The following PHF24 variants were observed in gnomAD, a reference collection of about 807,000 sequenced individuals.
The protein encoded by PHF24 is Galpha inhibitory interacting protein.
Under a neutral mutation model 42.6 loss-of-function variants are expected in PHF24, and 25 were observed. The ratio of observed to expected loss-of-function variants is 0.59; its 90% CI spans 0.43 to 0.82. The LOEUF is 0.82. Ranked by LOEUF, PHF24 falls within the 40% of genes least tolerant of loss-of-function variation. The probability of loss-of-function intolerance (pLI) is 0.00; values close to 1 mark genes in which losing one functional copy is unlikely to be tolerated. For missense variants in PHF24, 470 were observed against 538.1 expected, an observed-to-expected ratio of 0.87 and a Z score of 1.25; for synonymous variants, 185 against 204.8, an observed-to-expected ratio of 0.90 and a Z score of 0.83.
chr9:34,845,692 G>A, the PHF24 span, among the ~76,000 whole-genome samples: 2 of 151,654 alleles, frequency 1.3e-5, no homozygotes, highest in East Asian at 1.9e-4. Context: ...CTGGTGTGCT[G>A]CACCCATTAA....
the PHF24 span, among the ~76,000 whole-genome samples, chr9:34,842,871 C>A: frequency 6.6e-5 from 10 of 152,268 alleles, no homozygotes; most frequent in African/African-American, 2.4e-4. Flanking sequence ...TTTCCTGTAT[C>A]TTTGTCAACC....
chr9:34,950,306 C>A, the PHF24 span, among the ~76,000 whole-genome samples: 7 of 149,048 alleles, frequency 4.7e-5, no homozygotes, highest in Non-Finnish European at 1.0e-4. Flanking sequence ...AGAGATTGTG[C>A]CACTGCACTC....
the PHF24 span, among the ~76,000 whole-genome samples, chr9:34,767,538 G>A: frequency 1.3e-5 from 2 of 152,242 alleles, no homozygotes; most frequent in African/African-American, 2.4e-5. Context: ...CTGGTGTGCC[G>A]TTTTTTAAGC....
the PHF24 span, among the ~76,000 whole-genome samples, chr9:34,680,674 C>T: frequency 7.4e-6 from 1 of 135,600 alleles, no homozygotes; most frequent in Non-Finnish European, 1.6e-5. Flanking sequence ...GGCGACAGAG[C>T]GAGACTCCGT....
the PHF24 span, among the ~76,000 whole-genome samples, chr9:34,886,480 AT>A: frequency 0.18 from 27,831 of 152,088 alleles, 2,845 homozygotes; most frequent in South Asian, 0.29. Flanking sequence ...ACAAGTCCGC[AT>A]CTTAATTGAC....
the PHF24 span, chr9:34,918,373 C>A: frequency 2.9e-6 from 2 of 695,004 alleles, no homozygotes; most frequent in East Asian, 5.4e-5. Flanking sequence ...CCCAGTTGTC[C>A]CAATTGTAAC....
the PHF24 span, among the ~76,000 whole-genome samples, chr9:34,762,876 A>G: frequency 1.3e-5 from 2 of 152,208 alleles, no homozygotes; most frequent in Non-Finnish European, 2.9e-5. Context: ...ATTTTGGTAT[A>G]AGGTGTAAGG....
the PHF24 span, among the ~76,000 whole-genome samples, chr9:34,694,716 G>T: frequency 2.6e-5 from 4 of 152,130 alleles, no homozygotes; most frequent in Non-Finnish European, 5.9e-5. Flanking sequence ...TGATCCACCC[G>T]CCTCGGCCTC....
At chr9:34,761,089 A>G in the PHF24 span, among the ~76,000 whole-genome samples, 1 of 152,178 alleles carries the variant, frequency 6.6e-6, no homozygotes, top group Non-Finnish European at 1.5e-5. Flanking sequence ...GCTGTAGAAT[A>G]TGTGGTGCTT....
the PHF24 span, among the ~76,000 whole-genome samples, chr9:34,805,830 T>C: frequency 6.6e-6 from 1 of 152,150 alleles, no homozygotes; most frequent in African/African-American, 2.4e-5. Context: ...CTTCTAAGAG[T>C]TTTATAGTTT....
At chr9:34,732,854 T>A in the PHF24 span, among the ~76,000 whole-genome samples, 1 of 152,234 alleles carries the variant, frequency 6.6e-6, no homozygotes, top group Non-Finnish European at 1.5e-5. Context: ...ATTATGAATA[T>A]ATCTTCTGTA....
At chr9:34,888,331 T>C in the PHF24 span, among the ~76,000 whole-genome samples, 179 of 152,320 alleles carry the variant, frequency 1.2e-3, no homozygotes, top group Non-Finnish European at 2.1e-3. Flanking sequence ...TTCACTGTTA[T>C]CTCTGTAGTG....
chr9:34,722,345 T>C, the PHF24 span, among the ~76,000 whole-genome samples: 9 of 152,338 alleles, frequency 5.9e-5, no homozygotes, highest in African/African-American at 2.2e-4. Flanking sequence ...ACTGGAAAGA[T>C]GGAGCTGCCA....
chr9:34,946,320 T>C, the PHF24 span, among the ~76,000 whole-genome samples: 1 of 152,244 alleles, frequency 6.6e-6, no homozygotes, highest in African/African-American at 2.4e-5. Flanking sequence ...ACCTCCTTAA[T>C]GTCTTGACAC....
the PHF24 span, among the ~76,000 whole-genome samples, chr9:34,711,478 C>G: frequency 1.5e-4 from 23 of 152,108 alleles, no homozygotes; most frequent in South Asian, 2.1e-4. Flanking sequence ...AGCAATTCAC[C>G]CGCCTTGGCC....
the PHF24 span, chr9:34,723,027 G>A: frequency 0.013 from 8,752 of 686,900 alleles, 60 homozygotes; most frequent in Non-Finnish European, 0.017. Context: ...CAATACAGCA[G>A]AGACAAGGAG....
the PHF24 span, among the ~76,000 whole-genome samples, chr9:34,870,616 A>G: frequency 1.8e-4 from 27 of 150,822 alleles, no homozygotes; most frequent in African/African-American, 6.1e-4. Flanking sequence ...CACCCAGGCT[A>G]AAGTGCAGTG....
chr9:34,760,074 C>T, the PHF24 span, among the ~76,000 whole-genome samples: 1 of 151,626 alleles, frequency 6.6e-6, no homozygotes, highest in Non-Finnish European at 1.5e-5. Flanking sequence ...CTTACTGCCT[C>T]GTGGTTGAGA....
chr9:34,864,132 A>G, the PHF24 span, among the ~76,000 whole-genome samples: 1 of 152,220 alleles, frequency 6.6e-6, no homozygotes, highest in Non-Finnish European at 1.5e-5. Context: ...AAAAAGCAAT[A>G]AAGCACATCT....
Sources: allele counts gnomAD v4.1 joint callset (sites outside exome capture counted in the v4.1 genomes callset), GRCh38; gene constraint gnomAD v4.1.1; transcripts MANE v1.5; gene names NCBI Gene and HGNC (gene_info 2026-07-23, HGNC 2026-07-21).